Variants in PCDH9 observed in about 807,000 individuals in gnomAD.
PCDH9 encodes protocadherin-9.
PCDH9 carries 24 observed loss-of-function variants against 70.6 expected under a neutral mutation model. The ratio of observed to expected loss-of-function variants is 0.34; its 90% CI spans 0.25 to 0.48. The LOEUF (loss-of-function observed/expected upper bound fraction) is 0.48. Ranked by LOEUF, PCDH9 falls within the 20% of genes least tolerant of loss-of-function variation. PCDH9 has a pLI of 0.99. For synonymous variants in PCDH9, 562 were observed against 558.5 expected (o/e 1.01, Z -0.09); for missense variants, 1,281 against 1,503.6 (o/e 0.85, Z 2.45).
At chr13:66,405,277 C>G (rs971813921) in intron 4 of PCDH9, among the ~76,000 whole-genome samples, 1 of 152,070 alleles carries the variant, frequency 6.6e-6, no homozygotes, top group Admixed American at 6.6e-5. Flanking sequence ...AACCTAGCAC[C>G]AGTTTTCAAG....
At chr13:67,219,953 TTG>T (rs958137679) in intron 2 of PCDH9, 6 of 151,988 alleles carry the variant, frequency 3.9e-5, no homozygotes, top group Non-Finnish European at 5.9e-5. Flanking sequence ...ATTTCCAGTT[TTG>T]TTATGTTTTT....
At chr13:66,882,041 ATTGTATTGAATACTTGGGC>A (rs1441470430) in intron 3 of PCDH9, among the ~76,000 whole-genome samples, 1 of 152,178 alleles carries the variant, frequency 6.6e-6, no homozygotes, top group Non-Finnish European at 1.5e-5. Flanking sequence ...GTAACTTACT[ATTGTATTGAATACTTGGGC>A]TAGAGAGCCA....
intron 3 of PCDH9, among the ~76,000 whole-genome samples, chr13:66,728,927 T>G (rs2079037935): frequency 6.6e-6 from 1 of 152,168 alleles, no homozygotes; most frequent in African/African-American, 2.4e-5. Context: ...TTTTATTCTT[T>G]CACATAGTTT....
chr13:66,605,741 G>T (rs940073050), intron 4 of PCDH9, among the ~76,000 whole-genome samples: 1 of 152,030 alleles, frequency 6.6e-6, no homozygotes. Flanking sequence ...TAATAGACTT[G>T]ATGATGCAAA....
chr13:66,704,478 G>C (rs1256595614), intron 3 of PCDH9, among the ~76,000 whole-genome samples: 1 of 152,066 alleles, frequency 6.6e-6, no homozygotes. Flanking sequence ...AATTTAGTTG[G>C]ATTTATTCAT....
intron 2 of PCDH9, among the ~76,000 whole-genome samples, chr13:67,027,843 G>T (rs2139876409): frequency 6.6e-6 from 1 of 151,962 alleles, no homozygotes; most frequent in African/African-American, 2.4e-5. Flanking sequence ...GGCCATCAGA[G>T]AAATGCAAAT....
At chr13:66,906,434 T>C (rs1447957226) in intron 2 of PCDH9, among the ~76,000 whole-genome samples, 2 of 152,212 alleles carry the variant, frequency 1.3e-5, no homozygotes, top group Non-Finnish European at 2.9e-5. Context: ...TTGGACTTAA[T>C]ATAAGGGCCA....
intron 2 of PCDH9, among the ~76,000 whole-genome samples, chr13:67,022,225 T>G (rs2084691743): frequency 1.4e-5 from 2 of 141,784 alleles, no homozygotes; most frequent in Non-Finnish European, 3.0e-5. Context: ...CCGCCTCAAG[T>G]GGTTCTCCTC....
intron 4 of PCDH9, among the ~76,000 whole-genome samples, chr13:66,502,269 T>C (rs1203644458): frequency 1.3e-5 from 2 of 152,176 alleles, no homozygotes; most frequent in African/African-American, 4.8e-5. Flanking sequence ...AATAAGGTTA[T>C]TATTGTTGTA....
chr13:66,309,483 A>G (rs918849626), intron 4 of PCDH9, among the ~76,000 whole-genome samples: 6 of 152,050 alleles, frequency 3.9e-5, no homozygotes, highest in Admixed American at 3.9e-4. Context: ...TATGCTTTTA[A>G]AAAGGAGAAA....
intron 2 of PCDH9, among the ~76,000 whole-genome samples, chr13:67,165,915 T>C (rs2088103745): frequency 6.6e-6 from 1 of 152,202 alleles, no homozygotes; most frequent in Non-Finnish European, 1.5e-5. Flanking sequence ...TCATGCTCTG[T>C]AAATTAGAAA....
intron 3 of PCDH9, among the ~76,000 whole-genome samples, chr13:66,867,473 T>G (rs529705016): frequency 6.6e-6 from 1 of 152,148 alleles, no homozygotes; most frequent in Non-Finnish European, 1.5e-5. Context: ...GGACATAATT[T>G]AATATTTTCA....
intron 4 of PCDH9, among the ~76,000 whole-genome samples, chr13:66,404,211 C>A (rs1233581126): frequency 6.6e-6 from 1 of 152,102 alleles, no homozygotes; most frequent in Non-Finnish European, 1.5e-5. Context: ...TGGCTTAATT[C>A]TGATAAATAA....
At chr13:66,754,093 T>A (rs2079502900) in intron 3 of PCDH9, among the ~76,000 whole-genome samples, 3 of 152,118 alleles carry the variant, frequency 2.0e-5, no homozygotes, top group Admixed American at 2.0e-4. Context: ...TGACTTTTAT[T>A]CTCTTTGTTC....
intron 4 of PCDH9, among the ~76,000 whole-genome samples, chr13:66,397,546 G>A (rs888610497): frequency 1.4e-5 from 2 of 147,204 alleles, no homozygotes; most frequent in African/African-American, 5.0e-5. Context: ...CATATATGTC[G>A]ATATATATGT....
intron 3 of PCDH9, among the ~76,000 whole-genome samples, chr13:66,895,028 A>C (rs1445239343): frequency 2.0e-5 from 3 of 151,996 alleles, no homozygotes; most frequent in Non-Finnish European, 2.9e-5. Flanking sequence ...GGCAGGTCTC[A>C]AACTCCTGAC....
intron 4 of PCDH9, among the ~76,000 whole-genome samples, chr13:66,520,222 T>C (rs561107239): frequency 1.4e-3 from 209 of 152,290 alleles, no homozygotes; most frequent in Non-Finnish European, 2.4e-3. Context: ...GGTAATAAAA[T>C]GTCAGTGTCA....
intron 2 of PCDH9, among the ~76,000 whole-genome samples, chr13:67,093,814 T>C (rs914838804): frequency 1.3e-5 from 2 of 152,184 alleles, no homozygotes; most frequent in African/African-American, 4.8e-5. Context: ...CTGGGGTCTA[T>C]GAACTAATCC....
chr13:66,401,924 A>G (rs145800074), intron 4 of PCDH9, among the ~76,000 whole-genome samples: 1 of 152,316 alleles, frequency 6.6e-6, no homozygotes, highest in African/African-American at 2.4e-5. Context: ...TACCCCACCC[A>G]ACAGGTGACT....
Sources: gnomAD v4.1 joint callset for allele counts (sites outside exome capture counted in the v4.1 genomes callset) on GRCh38, gnomAD v4.1.1 for gene constraint, MANE v1.5 for transcripts, NCBI Gene and HGNC (gene_info 2026-07-23, HGNC 2026-07-21) for gene names.